MOB3B: variants seen among roughly 807,000 people sequenced by gnomAD.
MOB3B encodes MOB kinase activator 3B.
In MOB3B, 7 loss-of-function variants were observed where a neutral mutation model predicts 18.7. The observed-to-expected ratio is 0.37, with a 90% CI of 0.21 to 0.70. The LOEUF (loss-of-function observed/expected upper bound fraction) is 0.70. Among genes scored for constraint, MOB3B ranks in the 30% least tolerant of loss-of-function variants. MOB3B has a pLI of 0.52. For missense variants in MOB3B, 253 were observed against 281.3 expected, an observed-to-expected ratio of 0.90 and a Z score of 0.72; for synonymous variants, 111 against 99.9, an observed-to-expected ratio of 1.11 and a Z score of -0.66.
At chr9:27,331,457 T>C (rs1209950029) in intron 3 of MOB3B, among the ~76,000 whole-genome samples, 1 of 150,618 alleles carries the variant, frequency 6.6e-6, no homozygotes, top group African/African-American at 2.4e-5. Flanking sequence ...AGTGTATGAA[T>C]TTGTACATCT....
chr9:27,487,803 G>T (rs988664734), intron 1 of MOB3B, among the ~76,000 whole-genome samples: 1 of 152,060 alleles, frequency 6.6e-6, no homozygotes, highest in Admixed American at 6.5e-5. Flanking sequence ...TGATGCTATG[G>T]TCTCTTCTCT....
chr9:27,419,999 T>G (rs1347140428), intron 2 of MOB3B, among the ~76,000 whole-genome samples: 1 of 152,026 alleles, frequency 6.6e-6, no homozygotes, highest in Non-Finnish European at 1.5e-5. Flanking sequence ...GCTAAGCACA[T>G]GAATAGACAA....
intron 2 of MOB3B, among the ~76,000 whole-genome samples, chr9:27,434,321 A>T (rs62541568): frequency 0.17 from 26,449 of 151,912 alleles, 2,573 homozygotes; most frequent in Middle Eastern, 0.26. Context: ...CTGCTCATGA[A>T]TACCAGTCTC....
At chr9:27,488,421 T>C (rs981967081) in intron 1 of MOB3B, among the ~76,000 whole-genome samples, 3 of 152,222 alleles carry the variant, frequency 2.0e-5, no homozygotes, top group Non-Finnish European at 4.4e-5. Flanking sequence ...TATTTATTTA[T>C]TTTTGAGATG....
intron 1 of MOB3B, among the ~76,000 whole-genome samples, chr9:27,519,633 CTG>C (rs1820293732): frequency 6.6e-6 from 1 of 152,190 alleles, no homozygotes; most frequent in African/African-American, 2.4e-5. Flanking sequence ...AAACTGATAA[CTG>C]TAGTTGCCGC....
rs185432515 is a variant in MOB3B, at chr9:27,432,454, G to A, written c.418+22679C>T. Among the ~76,000 whole-genome samples, 26 of 152,218 alleles carry A rather than the reference G, an allele frequency of 1.7e-4. 1 individual carries two copies. Among genetic ancestry groups the A allele is most frequent in the South Asian group, 1.7e-3 (8 of 4,818 alleles). On this transcript the variant is annotated intron_variant, in intron 2 of 3. Coordinates refer to ENST00000262244, the MANE Select transcript of MOB3B (RefSeq NM_024761.5). ...TTTGAGATAGTAACCTCAAGGACAG[G>A]AAGTACTTTTTGCTTTTCTTTCTAT...
chr9:27,511,493 C>A (rs1477058957), intron 1 of MOB3B, among the ~76,000 whole-genome samples: 2 of 152,152 alleles, frequency 1.3e-5, no homozygotes, highest in Non-Finnish European at 2.9e-5. Flanking sequence ...CGGATGTTGG[C>A]TCCTGTGAGA....
chr9:27,388,922 G>T (rs1339050020), intron 2 of MOB3B, among the ~76,000 whole-genome samples: 1 of 152,032 alleles, frequency 6.6e-6, no homozygotes, highest in South Asian at 2.1e-4. Flanking sequence ...TCCCTCTACT[G>T]CCACTGCCCT....
intron 2 of MOB3B, among the ~76,000 whole-genome samples, chr9:27,410,210 C>A (rs1202533506): frequency 6.6e-6 from 1 of 152,148 alleles, no homozygotes; most frequent in African/African-American, 2.4e-5. Context: ...AGAGCACACC[C>A]CCATTCATTC....
At chr9:27,472,678 T>TAAAAA (rs56092176) in intron 1 of MOB3B, among the ~76,000 whole-genome samples, 6 of 98,908 alleles carry the variant, frequency 6.1e-5, no homozygotes, top group African/African-American at 2.4e-4. Context: ...CACTTTATTC[T>TAAAAA]AAAAAAAAAA....
intron 1 of MOB3B, among the ~76,000 whole-genome samples, chr9:27,464,372 C>T (rs1819344470): frequency 6.6e-6 from 1 of 151,954 alleles, no homozygotes; most frequent in South Asian, 2.1e-4. Flanking sequence ...AACAATATTC[C>T]CCAACATTTA....
intron 1 of MOB3B, among the ~76,000 whole-genome samples, chr9:27,500,152 C>G (rs1819967283): frequency 1.3e-5 from 2 of 151,360 alleles, no homozygotes; most frequent in Admixed American, 1.3e-4. Context: ...CTGAAATTCA[C>G]TTGAATTGAG....
chr9:27,331,345 T>A (rs1202969716), intron 3 of MOB3B, among the ~76,000 whole-genome samples: 1 of 152,136 alleles, frequency 6.6e-6, no homozygotes, highest in Non-Finnish European at 1.5e-5. Context: ...CCACCTCAGG[T>A]AAGGTGACTT....
chr9:27,510,303 T>C (rs914010115), intron 1 of MOB3B, among the ~76,000 whole-genome samples: 2 of 152,246 alleles, frequency 1.3e-5, no homozygotes, highest in African/African-American at 4.8e-5. Flanking sequence ...GTGATCATTG[T>C]TGCTGCTTAT....
Position 27,482,535 on chromosome 9 carries a change from C to A in MOB3B, c.-198-26787G>T, listed in dbSNP as rs554659350. On this transcript the variant is annotated intron_variant, in intron 1 of 3. Coordinates refer to ENST00000262244, the MANE Select transcript of MOB3B (RefSeq NM_024761.5). ...CCAGTTCCTGGAATGTCAGTTCTTC[C>A]CCATAGACCTTACTATGAGGTAAGG... Among the ~76,000 whole-genome samples the A allele has an allele frequency of 2.0e-5, 3 of 152,254 alleles. No individual in the cohort carries two copies. In the East Asian group the frequency reaches 5.8e-4, roughly 29 times the overall value.
intron 1 of MOB3B, among the ~76,000 whole-genome samples, chr9:27,483,234 G>A (rs1229861007): frequency 2.2e-5 from 3 of 139,384 alleles, no homozygotes; most frequent in Non-Finnish European, 4.5e-5. Context: ...CCGGGTTCAC[G>A]CCATTCTCCC....
chr9:27,357,888 CAAAAAAAAAAAAAAAAAAAAAAAAAAA>C, intron 3 of MOB3B, among the ~76,000 whole-genome samples: 1 of 57,966 alleles, frequency 1.7e-5, no homozygotes, highest in African/African-American at 6.2e-5. Context: ...CCCATCGCTA[CAAAAAAAAAAAAAAAAAAAAAAAAAAA>C]AAAAAATAGC....
At chr9:27,489,285 G>A (rs1819778408) in intron 1 of MOB3B, among the ~76,000 whole-genome samples, 2 of 152,166 alleles carry the variant, frequency 1.3e-5, no homozygotes, top group African/African-American at 2.4e-5. Context: ...CCTTTTGTGT[G>A]GGGGATTCCC....
chr9:27,358,400 T>C (rs1440980038), intron 3 of MOB3B, among the ~76,000 whole-genome samples: 2 of 152,090 alleles, frequency 1.3e-5, no homozygotes, highest in East Asian at 1.9e-4. Context: ...TTGAAGAAAA[T>C]AAAAGTAGTC....
Sources: allele counts gnomAD v4.1 joint callset (sites outside exome capture counted in the v4.1 genomes callset), GRCh38; gene constraint gnomAD v4.1.1; transcripts MANE v1.5; gene names NCBI Gene and HGNC (gene_info 2026-07-23, HGNC 2026-07-21).